RTN1: variants seen among roughly 807,000 people sequenced by gnomAD.
RTN1 encodes the protein reticulon-1.
RTN1 carries 25 observed loss-of-function variants against 65.5 expected under a neutral mutation model. That is an observed-to-expected ratio of 0.38 (90% CI 0.28 to 0.53). The LOEUF (loss-of-function observed/expected upper bound fraction) is 0.53. RTN1 is among the 20% of genes least tolerant of loss of function. RTN1 has a pLI of 0.79. For synonymous variants in RTN1, 471 were observed against 447.6 expected (o/e 1.05, Z -0.66); for missense variants, 983 against 1,025.4 (o/e 0.96, Z 0.57).
chr14:59,827,420 G>A (rs1887053710), intron 1 of RTN1, among the ~76,000 whole-genome samples: 2 of 152,064 alleles, frequency 1.3e-5, no homozygotes, highest in South Asian at 4.1e-4. Flanking sequence ...CATCGCTTGG[G>A]TTCATTTTCT....
At chr14:59,764,820 C>T (rs1286048085) in intron 1 of RTN1, among the ~76,000 whole-genome samples, 1 of 152,134 alleles carries the variant, frequency 6.6e-6, no homozygotes, top group Non-Finnish European at 1.5e-5. Flanking sequence ...ACCCCCTACA[C>T]TGTACCAGGG....
At chr14:59,628,424 A>G (rs1882457170) in intron 3 of RTN1, among the ~76,000 whole-genome samples, 1 of 152,192 alleles carries the variant, frequency 6.6e-6, no homozygotes. Flanking sequence ...CAACAACAAC[A>G]AAACCTCAAT....
chr14:59,610,072 T>C (rs780073617), intron 3 of RTN1: 2 of 768,208 alleles, frequency 2.6e-6, no homozygotes, highest in Admixed American at 1.7e-5. Flanking sequence ...AAAGAGAAGA[T>C]AGAATTTGCT....
At chr14:59,831,955 C>A (rs1313134250) in intron 1 of RTN1, among the ~76,000 whole-genome samples, 1 of 152,084 alleles carries the variant, frequency 6.6e-6, no homozygotes, top group Non-Finnish European at 1.5e-5. Flanking sequence ...CTGACTTAGA[C>A]TGGAGACAAT....
At chr14:59,680,351 T>C (rs1006606500) in intron 3 of RTN1, among the ~76,000 whole-genome samples, 27 of 152,350 alleles carry the variant, frequency 1.8e-4, no homozygotes, top group African/African-American at 5.3e-4. Flanking sequence ...AGTGAAACCA[T>C]GCAAAATATA....
At chr14:59,818,633 CGT>C (rs1464281000) in intron 1 of RTN1, among the ~76,000 whole-genome samples, 1 of 151,974 alleles carries the variant, frequency 6.6e-6, no homozygotes, top group Non-Finnish European at 1.5e-5. Flanking sequence ...CATATGAGTC[CGT>C]GTGTCTTTAT....
intron 1 of RTN1, among the ~76,000 whole-genome samples, chr14:59,764,935 G>A (rs147003682): frequency 6.6e-6 from 1 of 152,154 alleles, no homozygotes; most frequent in Non-Finnish European, 1.5e-5. Context: ...TCTTTATGTT[G>A]TCAGCAATTC....
intron 3 of RTN1, among the ~76,000 whole-genome samples, chr14:59,694,784 G>T (rs1180442344): frequency 6.6e-6 from 1 of 152,172 alleles, no homozygotes; most frequent in Non-Finnish European, 1.5e-5. Context: ...AAAGTAGTTT[G>T]ACAAGGAGTT....
intron 1 of RTN1, among the ~76,000 whole-genome samples, chr14:59,750,469 T>C (rs1489180933): frequency 1.5e-5 from 1 of 66,914 alleles, no homozygotes; most frequent in Non-Finnish European, 2.5e-5. Flanking sequence ...ATATCTATAA[T>C]ATATAATATA....
intron 1 of RTN1, among the ~76,000 whole-genome samples, chr14:59,749,228 CTATATATATCTATATATATCTATA>C (rs1566711190): frequency 2.6e-5 from 1 of 38,680 alleles, no homozygotes; most frequent in African/African-American, 2.4e-4. Flanking sequence ...ATCTATATAT[CTATATATATCTATATATATCTATA>C]TATCTATATA....
At chr14:59,645,115 G>A (rs1485892119) in intron 3 of RTN1, among the ~76,000 whole-genome samples, 2 of 152,106 alleles carry the variant, frequency 1.3e-5, no homozygotes, top group Admixed American at 1.3e-4. Flanking sequence ...TATGGGTCCT[G>A]GACCCTATTT....
intron 1 of RTN1, among the ~76,000 whole-genome samples, chr14:59,778,040 T>C (rs1886086811): frequency 6.6e-6 from 1 of 152,090 alleles, no homozygotes; most frequent in South Asian, 2.1e-4. Flanking sequence ...AATGAGCTTT[T>C]GCATGTGCTG....
intron 1 of RTN1, among the ~76,000 whole-genome samples, chr14:59,791,374 G>A (rs547194859): frequency 1.1e-4 from 16 of 152,222 alleles, no homozygotes; most frequent in African/African-American, 3.9e-4. Flanking sequence ...TTTCCTCCAG[G>A]GATGAGTTCA....
At chr14:59,853,605 T>C (rs1375641827) in intron 1 of RTN1, among the ~76,000 whole-genome samples, 2 of 152,118 alleles carry the variant, frequency 1.3e-5, no homozygotes, top group Non-Finnish European at 2.9e-5. Context: ...AACCTTCCCA[T>C]CTTAAGGGTT....
chr14:59,809,131 T>C (rs771012598), intron 1 of RTN1, among the ~76,000 whole-genome samples: 1 of 152,152 alleles, frequency 6.6e-6, no homozygotes, highest in Non-Finnish European at 1.5e-5. Context: ...TGTAAGACTG[T>C]CATAAGTCAG....
chr14:59,601,115 T>C (rs771807056), intron 8 of RTN1, among the ~76,000 whole-genome samples: 2 of 152,238 alleles, frequency 1.3e-5, no homozygotes, highest in Non-Finnish European at 2.9e-5. Flanking sequence ...ATTCACCACC[T>C]GGCCTCAGCC....
chr14:59,851,979 G>A (rs75492877), intron 1 of RTN1, among the ~76,000 whole-genome samples: 1,854 of 152,252 alleles, frequency 0.012, 36 homozygotes, highest in African/African-American at 0.042. Context: ...GCAGTATTAG[G>A]CATTTGCTCT....
intron 1 of RTN1, among the ~76,000 whole-genome samples, chr14:59,863,364 G>A (rs541854788): frequency 4.6e-5 from 7 of 152,156 alleles, no homozygotes; most frequent in Middle Eastern, 6.8e-3. Context: ...CAACCGAGAT[G>A]TTTTTCCCGG....
intron 1 of RTN1, among the ~76,000 whole-genome samples, chr14:59,864,772 T>C (rs1404152559): frequency 6.6e-6 from 1 of 152,232 alleles, no homozygotes; most frequent in Non-Finnish European, 1.5e-5. Flanking sequence ...TTTCTCTACT[T>C]ACCCTTTTGT....
Sources: gnomAD v4.1 joint callset for allele counts (sites outside exome capture counted in the v4.1 genomes callset) on GRCh38, gnomAD v4.1.1 for gene constraint, MANE v1.5 for transcripts, NCBI Gene and HGNC (gene_info 2026-07-23, HGNC 2026-07-21) for gene names.